Variants in VPS8 observed in about 807,000 individuals in gnomAD.
The protein encoded by VPS8 is VPS8 subunit of CORVET complex.
In VPS8, 129 loss-of-function variants were observed where a neutral mutation model predicts 216.4. The observed-to-expected ratio is 0.60, with a 90% CI of 0.52 to 0.69. VPS8 has a LOEUF of 0.69. VPS8 is among the 30% of genes least tolerant of loss of function. VPS8 has a pLI of 0.00. For missense variants in VPS8, 1,531 were observed against 1,683.5 expected, an observed-to-expected ratio of 0.91 and a Z score of 1.59; for synonymous variants, 571 against 565.4, an observed-to-expected ratio of 1.01 and a Z score of -0.14.
chr3:184,999,673 A>T (rs761324327), intron 44 of VPS8, 23 bp from the exon 45 acceptor site: 1 of 1,590,202 alleles, frequency 6.3e-7, no homozygotes, highest in South Asian at 1.2e-5. Flanking sequence ...AAAAAGTACA[A>T]ATTGGTTGCC....
At chr3:185,001,535 T>C (rs2109917228) in intron 45 of VPS8, among the ~76,000 whole-genome samples, 1 of 152,320 alleles carries the variant, frequency 6.6e-6, no homozygotes, top group Middle Eastern at 3.4e-3. Context: ...GCCTACCACC[T>C]TCCTAGCACA....
intron 45 of VPS8, among the ~76,000 whole-genome samples, chr3:185,006,009 A>G (rs536265939): frequency 3.9e-5 from 6 of 152,336 alleles, no homozygotes; most frequent in East Asian, 3.9e-4. Context: ...GGATCTACAC[A>G]TCAGCAAAAG....
chr3:184,934,155 G>A (rs1741191521), intron 34 of VPS8, among the ~76,000 whole-genome samples: 1 of 151,582 alleles, frequency 6.6e-6, no homozygotes, highest in African/African-American at 2.4e-5. Flanking sequence ...TCCATCCTTT[G>A]TTTTTGTTTT....
chr3:184,824,320 A>G, intron 1 of VPS8: 1 of 234,874 alleles, frequency 4.3e-6, no homozygotes, highest in Non-Finnish European at 8.4e-6. Context: ...GTGGCGGGCC[A>G]CTTCCTAAAG....
intron 46 of VPS8, among the ~76,000 whole-genome samples, chr3:185,032,843 A>AT: frequency 6.6e-6 from 1 of 151,742 alleles, no homozygotes; most frequent in Non-Finnish European, 1.5e-5. Context: ...TTTTTTTTGT[A>AT]TTTTTAGTAG....
intron 40 of VPS8, among the ~76,000 whole-genome samples, chr3:184,973,301 G>A (rs982570617): frequency 1.3e-5 from 2 of 152,044 alleles, no homozygotes; most frequent in Non-Finnish European, 2.9e-5. Context: ...TGCCTAGGTT[G>A]ATATAATTTT....
At chr3:185,005,056 G>A (rs1284604893) in intron 45 of VPS8, among the ~76,000 whole-genome samples, 1 of 152,174 alleles carries the variant, frequency 6.6e-6, no homozygotes, top group Non-Finnish European at 1.5e-5. Flanking sequence ...TGTATACAGT[G>A]AGAGTTGAGG....
intron 21 of VPS8, among the ~76,000 whole-genome samples, chr3:184,876,970 G>A (rs1578027615): frequency 6.6e-6 from 1 of 152,160 alleles, no homozygotes; most frequent in South Asian, 2.1e-4. Flanking sequence ...CTGAGGTAGA[G>A]ACTAAATTCC....
At chr3:184,859,692 G>T (rs980409607) in intron 14 of VPS8, among the ~76,000 whole-genome samples, 1 of 152,114 alleles carries the variant, frequency 6.6e-6, no homozygotes, top group Non-Finnish European at 1.5e-5. Flanking sequence ...AGTCATTGAT[G>T]TGATAAAGTT....
intron 36 of VPS8, among the ~76,000 whole-genome samples, chr3:184,945,653 TCTGGTTTCTTTTG>T (rs1743549432): frequency 6.6e-6 from 1 of 152,170 alleles, no homozygotes; most frequent in African/African-American, 2.4e-5. Flanking sequence ...ACATCCCTCC[TCTGGTTTCTTTTG>T]CTGGTTTCCC....
intron 34 of VPS8, among the ~76,000 whole-genome samples, chr3:184,931,962 A>G (rs1380871788): frequency 6.6e-6 from 1 of 152,202 alleles, no homozygotes; most frequent in African/African-American, 2.4e-5. Flanking sequence ...AAATTAATCA[A>G]TGAGCAAACA....
chr3:184,960,297 T>A (rs1475220110), intron 37 of VPS8, among the ~76,000 whole-genome samples: 1 of 152,116 alleles, frequency 6.6e-6, no homozygotes, highest in Non-Finnish European at 1.5e-5. Context: ...TGCACTCTTT[T>A]TCATGACCTC....
At chr3:184,893,603 TA>T (rs1294879826) in intron 22 of VPS8, among the ~76,000 whole-genome samples, 1 of 152,216 alleles carries the variant, frequency 6.6e-6, no homozygotes, top group East Asian at 1.9e-4. Context: ...GGTAGGATTA[TA>T]CATTGTGGGT....
intron 14 of VPS8, among the ~76,000 whole-genome samples, chr3:184,859,211 C>T (rs1000211990): frequency 5.3e-5 from 8 of 152,196 alleles, no homozygotes; most frequent in Admixed American, 1.3e-4. Flanking sequence ...CTGCAGGCTT[C>T]ACCTTCAACA....
chr3:184,869,665 A>C, intron 20 of VPS8, 137 bp downstream of exon 20: 1 of 790,266 alleles, frequency 1.3e-6, no homozygotes, highest in Non-Finnish European at 2.0e-6. Flanking sequence ...ACACACAGAC[A>C]CACACTTGGG....
intron 21 of VPS8, among the ~76,000 whole-genome samples, chr3:184,876,329 AT>A (rs758059509): frequency 1.1e-4 from 16 of 151,452 alleles, no homozygotes; most frequent in Non-Finnish European, 2.2e-4. Flanking sequence ...CTTCAAAATC[AT>A]TTGAAGATAT....
intron 37 of VPS8, among the ~76,000 whole-genome samples, chr3:184,957,969 C>T (rs1745901055): frequency 1.3e-5 from 2 of 152,200 alleles, no homozygotes; most frequent in African/African-American, 4.8e-5. Context: ...GAATGTATGT[C>T]CTGCTATCAG....
chr3:184,939,029 C>CAA (rs201525906), intron 35 of VPS8, among the ~76,000 whole-genome samples: 158 of 53,376 alleles, frequency 3.0e-3, no homozygotes, highest in African/African-American at 6.8e-3. Context: ...GACCCTGTCT[C>CAA]AAAAAAAAAA....
intron 45 of VPS8, among the ~76,000 whole-genome samples, chr3:185,017,410 C>T (rs920199616): frequency 3.9e-5 from 6 of 152,116 alleles, no homozygotes; most frequent in African/African-American, 1.2e-4. Flanking sequence ...CAATAAGCTG[C>T]TTTGTCTTGT....
Sources: allele counts gnomAD v4.1 joint callset (sites outside exome capture counted in the v4.1 genomes callset), GRCh38; gene constraint gnomAD v4.1.1; transcripts MANE v1.5; gene names NCBI Gene and HGNC (gene_info 2026-07-23, HGNC 2026-07-21).